PATJ: variants seen among roughly 807,000 people sequenced by gnomAD.
PATJ encodes inaD-like protein.
PATJ carries 190 observed loss-of-function variants against 224.9 expected under a neutral mutation model. That is an observed-to-expected ratio of 0.84 (90% CI 0.75 to 0.95). The LOEUF (loss-of-function observed/expected upper bound fraction) is 0.95. PATJ is among the 40% of genes least tolerant of loss of function. The probability of loss-of-function intolerance (pLI) is 0.00; values close to 1 mark genes in which losing one functional copy is unlikely to be tolerated. For missense variants in PATJ, 2,121 were observed against 2,270.3 expected (o/e 0.93, Z 1.34); for synonymous variants, 769 against 820.3 (o/e 0.94, Z 1.07).
intron 43 of PATJ, among the ~76,000 whole-genome samples, chr1:62,157,845 A>T (rs908505852): frequency 1.5e-5 from 2 of 132,808 alleles, no homozygotes; most frequent in East Asian, 2.1e-4. Context: ...AAAAAAAAAA[A>T]AAAAAAAAAA....
intron 28 of PATJ, among the ~76,000 whole-genome samples, chr1:62,012,394 ACG>A (rs1475147987): frequency 3.3e-5 from 5 of 152,222 alleles, no homozygotes; most frequent in African/African-American, 1.2e-4. Flanking sequence ...TGAGTTTAGC[ACG>A]GTGTTCTGCA....
At chr1:61,814,001 T>C (rs898836074) in intron 14 of PATJ, among the ~76,000 whole-genome samples, 2 of 152,140 alleles carry the variant, frequency 1.3e-5, no homozygotes, top group Non-Finnish European at 2.9e-5. Context: ...CCAAAGGTCT[T>C]TTTCTTTTAA....
chr1:61,915,214 CTTG>C lies in PATJ; in HGVS notation c.3570+556_3570+558del, dbSNP rs372848256. ...TTTTCATTTTTTCTCATCAAGAGAACTTGTTGTTCTCTTGGGGAATTACTGTCC... is the reference window on the plus strand; with the variant it reads ...TTTTCATTTTTTCTCATCAAGAGAACTTGTTCTCTTGGGGAATTACTGTCC... On this transcript the variant is annotated intron_variant, in intron 26 of 43. Transcript: ENST00000642238. 2.8e-3 allele frequency among the ~76,000 whole-genome samples: 427 copies of C among 152,266 alleles called. 5 individuals carry two copies. The highest frequency in any genetic ancestry group is 0.018 in the South Asian group (89 of 4,816).
intron 41 of PATJ, among the ~76,000 whole-genome samples, chr1:62,132,415 T>C (rs1202324112): frequency 6.6e-6 from 1 of 152,066 alleles, no homozygotes. Flanking sequence ...GGAGAATCGC[T>C]TGAACCCCAG....
chr1:62,151,317 G>A (rs764360452), intron 42 of PATJ, among the ~76,000 whole-genome samples: 5 of 152,016 alleles, frequency 3.3e-5, no homozygotes, highest in Admixed American at 6.6e-5. Flanking sequence ...TTGGCCAGGC[G>A]GTGGCTCACG....
chr1:62,099,346 AC>A (rs1661828869), intron 33 of PATJ, among the ~76,000 whole-genome samples: 6 of 104,700 alleles, frequency 5.7e-5, no homozygotes, highest in Non-Finnish European at 9.0e-5. Context: ...AATATCTCCA[AC>A]TTTTTTTTTT....
intron 34 of PATJ, among the ~76,000 whole-genome samples, chr1:62,109,925 A>G (rs1483767152): frequency 6.6e-6 from 1 of 152,132 alleles, no homozygotes; most frequent in East Asian, 1.9e-4. Flanking sequence ...TTTTTAAACT[A>G]TTTCTGTTTG....
chr1:62,090,093 A>C (rs1660543502), intron 33 of PATJ, among the ~76,000 whole-genome samples: 1 of 152,118 alleles, frequency 6.6e-6, no homozygotes, highest in Non-Finnish European at 1.5e-5. Flanking sequence ...GCCAAGACAG[A>C]CGGTTTCTGA....
chr1:61,752,024 G>A (rs571010889), intron 1 of PATJ, among the ~76,000 whole-genome samples: 99 of 151,218 alleles, frequency 6.5e-4, no homozygotes, highest in Middle Eastern at 3.4e-3. Context: ...TGTAATCCCA[G>A]CTACTCAGGA....
chr1:62,055,146 GAGA>G (rs1262688895), intron 31 of PATJ, among the ~76,000 whole-genome samples: 1 of 152,150 alleles, frequency 6.6e-6, no homozygotes, highest in Non-Finnish European at 1.5e-5. Flanking sequence ...CATATGTAAA[GAGA>G]AGGAGAAGAA....
At chr1:62,102,713 TAGCC>T (rs1662332324) in intron 33 of PATJ, among the ~76,000 whole-genome samples, 1 of 151,240 alleles carries the variant, frequency 6.6e-6, no homozygotes, top group Non-Finnish European at 1.5e-5. Flanking sequence ...AAAGCACAAT[TAGCC>T]AGGTGTGGTG....
intron 22 of PATJ, among the ~76,000 whole-genome samples, chr1:61,896,076 C>A (rs1670324449): frequency 6.6e-6 from 1 of 152,124 alleles, no homozygotes. Context: ...GCAGGCAAAT[C>A]ACCTGAGGGC....
At chr1:61,875,820 T>G (rs1667262400) in intron 21 of PATJ, among the ~76,000 whole-genome samples, 1 of 152,186 alleles carries the variant, frequency 6.6e-6, no homozygotes, top group Non-Finnish European at 1.5e-5. Context: ...AGTACATTAA[T>G]AACTTAGTTT....
At chr1:61,928,121 A>G (rs1252822269) in intron 27 of PATJ, among the ~76,000 whole-genome samples, 1 of 152,140 alleles carries the variant, frequency 6.6e-6, no homozygotes, top group Non-Finnish European at 1.5e-5. Context: ...AGTCTTTGAA[A>G]TTAGAATTTG....
At chr1:61,957,733 G>A (rs933940635) in intron 27 of PATJ, among the ~76,000 whole-genome samples, 4 of 152,142 alleles carry the variant, frequency 2.6e-5, no homozygotes, top group African/African-American at 9.7e-5. Context: ...TTGAATAATT[G>A]CAGCAGAGAC....
chr1:61,751,958 G>GA (rs1219261923), intron 1 of PATJ, among the ~76,000 whole-genome samples: 18 of 152,036 alleles, frequency 1.2e-4, no homozygotes, highest in Non-Finnish European at 2.1e-4. Flanking sequence ...GATTAACATG[G>GA]AAAAATCTTA....
chr1:61,885,943 T>C lies in PATJ; in HGVS notation c.3131+1535T>C, dbSNP rs190398102. 7.1e-3 allele frequency among the ~76,000 whole-genome samples: 1,072 copies of C among 150,774 alleles called. 18 individuals carry two copies. The highest frequency in any genetic ancestry group is 0.025 in the African/African-American group (1,032 of 40,910). On this transcript the variant is annotated intron_variant, in intron 22 of 43. Coordinates refer to ENST00000642238, the MANE Select transcript of PATJ (RefSeq NM_001350145.3). ...ATCGCAAGGAGAAAAAACCAAACAC[T>C]GCATGTTCTCACTCATAGATGGGAA...
At chr1:62,027,284 C>A (rs1320121136) in intron 29 of PATJ, among the ~76,000 whole-genome samples, 1 of 152,306 alleles carries the variant, frequency 6.6e-6, no homozygotes, top group East Asian at 1.9e-4. Flanking sequence ...ATTCATGTCA[C>A]AGCATGTGCT....
At chr1:61,832,964 A>G (rs1659596249) in intron 16 of PATJ, among the ~76,000 whole-genome samples, 1 of 152,210 alleles carries the variant, frequency 6.6e-6, no homozygotes, top group Admixed American at 6.5e-5. Context: ...AGTCTAGAAT[A>G]GAGGGACTTT....
Sources: gnomAD v4.1 joint callset for allele counts (sites outside exome capture counted in the v4.1 genomes callset) on GRCh38, gnomAD v4.1.1 for gene constraint, MANE v1.5 for transcripts, NCBI Gene and HGNC (gene_info 2026-07-23, HGNC 2026-07-21) for gene names.